The following BCL7A variants were observed in gnomAD, a reference collection of about 807,000 sequenced individuals.
BCL7A encodes B-cell CLL/lymphoma 7 protein family member A.
A neutral mutation model predicts 28.4 loss-of-function variants in BCL7A; 11 were observed. The observed-to-expected ratio is 0.39, with a 90% CI of 0.24 to 0.64. The LOEUF (loss-of-function observed/expected upper bound fraction) is 0.64, where lower values mean the gene tolerates loss of function less well. Ranked by LOEUF, BCL7A falls within the 30% of genes least tolerant of loss-of-function variation. BCL7A has a pLI of 0.50. For synonymous variants in BCL7A, 123 were observed against 103.3 expected (o/e 1.19, Z -1.15); for missense variants, 222 against 274.8 (o/e 0.81, Z 1.36).
chr12:122,023,535 T>G (rs2135834698), intron 1 of BCL7A, among the ~76,000 whole-genome samples: 1 of 152,310 alleles, frequency 6.6e-6, no homozygotes, highest in South Asian at 2.1e-4. Context: ...AAAGTCCACG[T>G]GCTCCCCGGC....
intron 5 of BCL7A, among the ~76,000 whole-genome samples, chr12:122,058,695 A>G (rs1179408849): frequency 6.6e-6 from 1 of 152,146 alleles, no homozygotes; most frequent in Non-Finnish European, 1.5e-5. Context: ...TGAACTTGAA[A>G]CAATAATCAC....
chr12:122,039,827 G>A (rs1335395419), intron 3 of BCL7A, among the ~76,000 whole-genome samples: 3 of 151,668 alleles, frequency 2.0e-5, no homozygotes, highest in South Asian at 4.2e-4. Flanking sequence ...ATTCCAGCCT[G>A]GGCGACAGAG....
At chr12:122,042,254 C>T (rs964898616) in intron 3 of BCL7A, among the ~76,000 whole-genome samples, 1 of 152,182 alleles carries the variant, frequency 6.6e-6, no homozygotes, top group Non-Finnish European at 1.5e-5. Context: ...ATACGATCCC[C>T]CTGTACACTC....
At chr12:122,053,196 A>G (rs1163476153) in intron 4 of BCL7A, among the ~76,000 whole-genome samples, 1 of 152,104 alleles carries the variant, frequency 6.6e-6, no homozygotes, top group Non-Finnish European at 1.5e-5. Context: ...GGGTTTCACC[A>G]TGTTGGCCAG....
At chr12:122,024,115 G>A (rs1883552623) in intron 1 of BCL7A, among the ~76,000 whole-genome samples, 2 of 152,284 alleles carry the variant, frequency 1.3e-5, no homozygotes, top group South Asian at 2.1e-4. Context: ...CCAGCCCGCT[G>A]ACCCCGCGGG....
intron 2 of BCL7A, among the ~76,000 whole-genome samples, chr12:122,031,213 G>A (rs1483734822): frequency 6.6e-6 from 1 of 152,134 alleles, no homozygotes; most frequent in Non-Finnish European, 1.5e-5. Context: ...ATTTTTAGTA[G>A]AGACGCAGTT....
At chr12:122,031,154 G>A (rs1319520258) in intron 2 of BCL7A, among the ~76,000 whole-genome samples, 2 of 152,146 alleles carry the variant, frequency 1.3e-5, no homozygotes, top group Non-Finnish European at 2.9e-5. Flanking sequence ...AGCCTCCCGA[G>A]TAGCTGGGAT....
rs1399615726 is a variant in BCL7A at position 122,061,790 on chromosome 12, C to T, written c.*2627C>T. The T allele has an allele frequency of 8.7e-6, 2 of 229,044 alleles. No individual in the cohort carries two copies. The highest frequency in any genetic ancestry group is 1.7e-5 in the Non-Finnish European group (2 of 115,214). 14.2% of individuals were successfully genotyped at this position (229,044 alleles called of 1,614,324 possible). On this transcript the variant is annotated 3_prime_UTR_variant, in exon 6 of 6. Transcript: ENST00000261822. ...ACCCACAACCCGGAAGGCTGTGGAC[C>T]GATTCCTCTAGGGTGGTGACCTCCC...
intron 5 of BCL7A, among the ~76,000 whole-genome samples, chr12:122,058,099 A>T (rs1245543738): frequency 1.3e-5 from 2 of 152,074 alleles, no homozygotes; most frequent in African/African-American, 4.8e-5. Flanking sequence ...CAGGAGGCTG[A>T]GGCAGGGGGA....
At position 122,059,235 on chromosome 12, in the gene BCL7A, C is replaced by T; in HGVS notation, c.*72C>T. On this transcript the variant is annotated 3_prime_UTR_variant, in exon 6 of 6. Transcript: ENST00000261822. The surrounding 1 kb of genome is among the most constrained non-coding windows in gnomAD (Gnocchi z 4.0). ...GCAATTAATTCTAGAGCAACTTTGCCCCAGCGATTCCTCTTGGGTGCGAAC... is the reference window on the plus strand; with the variant it reads ...GCAATTAATTCTAGAGCAACTTTGCTCCAGCGATTCCTCTTGGGTGCGAAC... 4 of 1,411,514 alleles carry T rather than the reference C, an allele frequency of 2.8e-6. No homozygotes were observed. Among genetic ancestry groups the T allele is most frequent in the Admixed American group, 1.7e-5 (1 of 57,408 alleles). The allele number at this position is 1,411,514 out of a possible 1,614,324, so 87.4% of individuals were successfully genotyped here.
intron 4 of BCL7A, among the ~76,000 whole-genome samples, chr12:122,050,587 A>G (rs1037295670): frequency 2.6e-5 from 4 of 152,184 alleles, no homozygotes; most frequent in African/African-American, 9.7e-5. Flanking sequence ...GGCTGTGGTC[A>G]CATACAGGGG....
chr12:122,061,951 A>C lies in BCL7A; in HGVS notation c.*2788A>C, dbSNP rs1951927477. On this transcript the variant is annotated 3_prime_UTR_variant, in exon 6 of 6. Coordinates refer to ENST00000261822, the MANE Select transcript of BCL7A (RefSeq NM_001024808.3). ...TTTTTTTTTTGGTGTGTTGTACAGC[A>C]GTATAATTTTTCACTTATTTATTCC... 9.8e-6 allele frequency: 2 copies of C among 203,632 alleles called. No individual in the cohort carries two copies. Among genetic ancestry groups the C allele is most frequent in the Non-Finnish European group, 2.0e-5 (2 of 99,520 alleles). 12.6% of individuals were successfully genotyped at this position (203,632 alleles called of 1,614,324 possible).
intron 4 of BCL7A, among the ~76,000 whole-genome samples, 156 bp from the exon 5 acceptor site, chr12:122,054,649 G>A (rs1884270538): frequency 1.3e-5 from 2 of 152,140 alleles, no homozygotes; most frequent in Admixed American, 1.3e-4. Flanking sequence ...AAATCAACAG[G>A]AGACTCCCCA....
At chr12:122,052,827 C>T (rs1335079655) in intron 4 of BCL7A, among the ~76,000 whole-genome samples, 5 of 135,532 alleles carry the variant, frequency 3.7e-5, no homozygotes, top group Non-Finnish European at 6.1e-5. Flanking sequence ...GGATTACAGG[C>T]GCGCGACACC....
chr12:122,022,475 C>G (rs1342657741), intron 1 of BCL7A, among the ~76,000 whole-genome samples: 1 of 145,282 alleles, frequency 6.9e-6, no homozygotes, highest in Non-Finnish European at 1.5e-5. Flanking sequence ...CGGGGCGGCC[C>G]CCGCCGCGGC....
chr12:122,038,927 C>T (rs1372544325), intron 3 of BCL7A, among the ~76,000 whole-genome samples: 1 of 152,082 alleles, frequency 6.6e-6, no homozygotes, highest in Non-Finnish European at 1.5e-5. Context: ...GTAATCCCAG[C>T]ACTTTGGGAG....
chr12:122,022,352 G>A (rs1339905612), intron 1 of BCL7A, among the ~76,000 whole-genome samples, 169 bp downstream of exon 1: 3 of 144,008 alleles, frequency 2.1e-5, no homozygotes, highest in African/African-American at 7.5e-5. Flanking sequence ...CGCGAGCCGG[G>A]TCACCTGCGC....
At chr12:122,044,299 A>G (rs890311442) in intron 4 of BCL7A, 1 of 435,626 alleles carries the variant, frequency 2.3e-6, no homozygotes, top group Non-Finnish European at 4.1e-6. Context: ...GCTTGAGCCT[A>G]GGAGTTCAAG....
At chr12:122,047,584 G>T (rs1565941085) in intron 4 of BCL7A, among the ~76,000 whole-genome samples, 1 of 151,718 alleles carries the variant, frequency 6.6e-6, no homozygotes, top group Non-Finnish European at 1.5e-5. Context: ...GAGTGCAGTG[G>T]TACAATCTCC....
Sources: allele counts gnomAD v4.1 joint callset (sites outside exome capture counted in the v4.1 genomes callset), GRCh38; gene constraint gnomAD v4.1.1; non-coding constraint Gnocchi (gnomAD v3.1); transcripts MANE v1.5; gene names NCBI Gene and HGNC (gene_info 2026-07-23, HGNC 2026-07-21).